The following SMPD4 variants were observed in gnomAD, a reference collection of about 807,000 sequenced individuals.
SMPD4 encodes neutral sphingomyelinase 3.
Under a neutral mutation model 97.8 loss-of-function variants are expected in SMPD4, and 58 were observed. The ratio of observed to expected loss-of-function variants is 0.59; its 90% confidence interval spans 0.48 to 0.74. The LOEUF is 0.74. Ranked by LOEUF, SMPD4 falls within the 30% of genes least tolerant of loss-of-function variation. The pLI, the probability that SMPD4 is intolerant of heterozygous loss-of-function variation, is 0.00. For missense variants in SMPD4, 853 were observed against 1,080.5 expected, an observed-to-expected ratio of 0.79 and a Z score of 2.95; for synonymous variants, 388 against 450.0, an observed-to-expected ratio of 0.86 and a Z score of 1.74.
chr2:130,167,733 C>A, intron 8 of SMPD4, 143 bp from the exon 9 acceptor site: 2 of 792,474 alleles, frequency 2.5e-6, no homozygotes, highest in South Asian at 1.9e-5. Context: ...ACACCTCCCC[C>A]CAGCCCCCTG....
chr2:130,169,010 C>T (rs997882225), intron 8 of SMPD4, among the ~76,000 whole-genome samples: 1 of 152,166 alleles, frequency 6.6e-6, no homozygotes, highest in South Asian at 2.1e-4. Flanking sequence ...CATGAGCCAC[C>T]ATGCCCAGCC....
chr2:130,170,215 G>A (rs905079717), intron 8 of SMPD4, among the ~76,000 whole-genome samples: 5 of 151,722 alleles, frequency 3.3e-5, no homozygotes, highest in South Asian at 2.1e-4. Context: ...GGCCAGGAGC[G>A]GCGGCTCACA....
chr2:130,179,343 G>C (rs1377782325), intron 1 of SMPD4, among the ~76,000 whole-genome samples: 1 of 151,778 alleles, frequency 6.6e-6, no homozygotes, highest in Non-Finnish European at 1.5e-5. Context: ...GGATGGTCTC[G>C]ATCTCCTGAC....
chr2:130,164,174 A>C (rs1296598631), intron 10 of SMPD4, among the ~76,000 whole-genome samples, 200 bp downstream of exon 10: 2 of 152,152 alleles, frequency 1.3e-5, no homozygotes, highest in Admixed American at 1.3e-4. Flanking sequence ...GTTTCTACAC[A>C]TCAGGGTGCA....
rs1313980101 is a variant in SMPD4, at chr2:130,181,577, C to G, written c.-93G>C. 6.2e-7 allele frequency: 1 copy of G among 1,606,528 alleles called. No homozygotes were observed. Among genetic ancestry groups the G allele is most frequent in the Non-Finnish European group, 8.5e-7 (1 of 1,177,436 alleles). Reference sequence around the variant, plus strand: ...CGCCTCAGAGATGGAAGCCGCCATTCCGCCACGGCGCCGAAAGTCGTCATC... The same window carrying G: ...CGCCTCAGAGATGGAAGCCGCCATTGCGCCACGGCGCCGAAAGTCGTCATC... On this transcript the variant is annotated 5_prime_UTR_variant, in exon 1 of 20. Transcript: ENST00000680298.
At position 130,152,780 on chromosome 2, in the gene SMPD4, G is replaced by A. The variant is rs747155710; in HGVS notation, c.2259C>T (p.Ser753=). The A allele has an allele frequency of 1.2e-5, 20 of 1,608,964 alleles. No homozygotes were observed. The highest frequency in any genetic ancestry group is 1.7e-4 in the Middle Eastern group (1 of 5,814). The change falls in exon 20 of 20, where the codon AGC becomes AGT. Residue 753 remains serine, a synonymous_variant. Coordinates refer to ENST00000680298, the MANE Select transcript of SMPD4 (RefSeq NM_017951.5). ...CGGCCACCTGCCTCCGCCCCACAGG[G>A]CTCAGCAGGTGCCTGCTGGCCAGCC... ...EPGLASRHLL[S]PVGRRQVAGH...
At chr2:130,179,021 A>G (rs1689235958) in intron 1 of SMPD4, among the ~76,000 whole-genome samples, 1 of 152,030 alleles carries the variant, frequency 6.6e-6, no homozygotes, top group East Asian at 1.9e-4. Flanking sequence ...GTGGAGGAAG[A>G]GAGGCTGGGT....
chr2:130,164,984 C>T (rs911555643), intron 9 of SMPD4, among the ~76,000 whole-genome samples: 6 of 151,340 alleles, frequency 4.0e-5, no homozygotes, highest in Non-Finnish European at 8.8e-5. Flanking sequence ...AGGCATCACA[C>T]CTATAATCCC....
rs1230639806 is a variant in SMPD4, at chr2:130,152,670, G to A, written c.2369C>T (p.Ala790Val). 2 of 1,568,306 alleles carry A rather than the reference G, an allele frequency of 1.3e-6. No homozygotes were observed. Among genetic ancestry groups the A allele is most frequent in the Admixed American group, 3.8e-5 (2 of 52,928 alleles). Residue 790 changes from alanine (A) to valine (V), a missense_variant, in exon 20 of 20, where the codon GCC becomes GTC. By Grantham distance (64) the Ala-to-Val change is moderately conservative (BLOSUM62 0). Coordinates refer to ENST00000680298, the MANE Select transcript of SMPD4 (RefSeq NM_017951.5). ...GAGGGGCCCGACGCAGAACAGAGAGGCCACGAAGAAGGCCAGCAGCAGCGA... is the reference window on the plus strand; with the variant it reads ...GAGGGGCCCGACGCAGAACAGAGAGACCACGAAGAAGGCCAGCAGCAGCGA... ...LVSLLLAFFV[A>V]SLFCVGPLPC... is the part of the protein sequence containing the mutation.
At chr2:130,179,114 T>C (rs1262400010) in intron 1 of SMPD4, among the ~76,000 whole-genome samples, 1 of 151,528 alleles carries the variant, frequency 6.6e-6, no homozygotes, top group Non-Finnish European at 1.5e-5. Context: ...TCCCAAGTTT[T>C]TTCAATTCTT....
intron 12 of SMPD4, chr2:130,156,893 C>T: frequency 7.8e-7 from 1 of 1,289,580 alleles, no homozygotes; most frequent in African/African-American, 1.5e-5. Flanking sequence ...CGAGTCAGCA[C>T]AACTCCTGCA....
At chr2:130,156,302 T>A in intron 13 of SMPD4, 167 bp from the exon 14 acceptor site, 1 of 704,264 alleles carries the variant, frequency 1.4e-6, no homozygotes. Flanking sequence ...TTGCTGGCCC[T>A]CCAGAAGCCA....
At chr2:130,154,814 G>A in intron 15 of SMPD4, 1 of 598,712 alleles carries the variant, frequency 1.7e-6, no homozygotes, top group Non-Finnish European at 2.9e-6. Flanking sequence ...TTGCCAGGGA[G>A]AAACAGCGGG....
chr2:130,160,364 G>A (rs1687269412), intron 11 of SMPD4, among the ~76,000 whole-genome samples: 1 of 152,198 alleles, frequency 6.6e-6, no homozygotes, highest in South Asian at 2.1e-4. Flanking sequence ...GTTCAATCAT[G>A]TGTGCTCTTT....
At chr2:130,181,381 C>T (rs1339949443) in intron 1 of SMPD4, 149 bp downstream of exon 1, 8 of 1,451,194 alleles carry the variant, frequency 5.5e-6, no homozygotes, top group Non-Finnish European at 6.3e-6. Context: ...AACCGGGGCC[C>T]TCCACTCCCC....
upstream of SMPD4, chr2:130,181,740 G>C (rs1459679278): frequency 1.9e-6 from 3 of 1,548,522 alleles, no homozygotes; most frequent in Non-Finnish European, 2.6e-6. Flanking sequence ...GGAGTGCGGG[G>C]GAGGGAGTGG....
intron 9 of SMPD4, among the ~76,000 whole-genome samples, chr2:130,166,842 A>T (rs892912196): frequency 2.6e-5 from 4 of 152,246 alleles, no homozygotes; most frequent in African/African-American, 9.6e-5. Context: ...AGGCCTGTGG[A>T]GGCTGCACAG....
intron 8 of SMPD4, among the ~76,000 whole-genome samples, chr2:130,171,532 C>T (rs1399855887): frequency 6.7e-6 from 1 of 150,304 alleles, no homozygotes; most frequent in African/African-American, 2.5e-5. Flanking sequence ...GCCTCACCTC[C>T]GAGTCCTCCA....
chr2:130,179,589 G>T (rs2104932420), intron 1 of SMPD4, among the ~76,000 whole-genome samples: 1 of 151,554 alleles, frequency 6.6e-6, no homozygotes, highest in East Asian at 1.9e-4. Context: ...GTTTCCCTAT[G>T]CTGGCCAGGC....
Sources: allele counts gnomAD v4.1 joint callset (sites outside exome capture counted in the v4.1 genomes callset), GRCh38; gene constraint gnomAD v4.1.1; transcripts MANE v1.5; gene names NCBI Gene and HGNC (gene_info 2026-07-23, HGNC 2026-07-21).